The following SHROOM3 variants were observed in gnomAD, a reference collection of about 807,000 sequenced individuals.
The protein encoded by SHROOM3 is shroom family member 3.
Under a neutral mutation model 138.6 loss-of-function variants are expected in SHROOM3, and 47 were observed. The ratio of observed to expected loss-of-function variants is 0.34; its 90% CI spans 0.27 to 0.43. The LOEUF is 0.43. Among genes scored for constraint, SHROOM3 ranks in the 20% least tolerant of loss-of-function variants. The pLI, the probability that SHROOM3 is intolerant of heterozygous loss-of-function variation, is 1.00. For synonymous variants in SHROOM3, 1,062 were observed against 1,063.3 expected (o/e 1.00, Z 0.02); for missense variants, 2,491 against 2,596.5 (o/e 0.96, Z 0.88).
chr4:76,774,575 C>T (rs1722480444), intron 10 of SHROOM3, among the ~76,000 whole-genome samples: 1 of 151,898 alleles, frequency 6.6e-6, no homozygotes, highest in Non-Finnish European at 1.5e-5. Context: ...ATTCTTTATA[C>T]ATTACTGATG....
intron 2 of SHROOM3, chr4:76,637,408 A>G (rs902691154): frequency 5.3e-5 from 8 of 152,216 alleles, no homozygotes; most frequent in Non-Finnish European, 1.2e-4. Context: ...TCAAGAACGG[A>G]ACTGTGGTAG....
intron 1 of SHROOM3, among the ~76,000 whole-genome samples, chr4:76,530,293 C>CT (rs1732804435): frequency 6.6e-6 from 1 of 152,122 alleles, no homozygotes; most frequent in Admixed American, 6.5e-5. Flanking sequence ...CAGCTGTATA[C>CT]TTTTAGGGCA....
chr4:76,473,775 A>G (rs964926904), intron 1 of SHROOM3, among the ~76,000 whole-genome samples: 7 of 152,216 alleles, frequency 4.6e-5, no homozygotes, highest in African/African-American at 1.4e-4. Context: ...GTATCACTTT[A>G]TACCCTCTAG....
At chr4:76,731,062 C>T (rs1720866012) in intron 4 of SHROOM3, 127 bp downstream of exon 4, 4 of 1,315,028 alleles carry the variant, frequency 3.0e-6, no homozygotes, top group Middle Eastern at 1.9e-4. Flanking sequence ...AAATCTCTAT[C>T]CACTGCTTTT....
intron 2 of SHROOM3, among the ~76,000 whole-genome samples, chr4:76,580,495 C>T (rs1734028323): frequency 7.2e-6 from 1 of 138,268 alleles, no homozygotes; most frequent in South Asian, 2.3e-4. Context: ...TCTTGTTGTC[C>T]AGGCTGGAGT....
chr4:76,716,240 G>A, intron 3 of SHROOM3: 1 of 500,686 alleles, frequency 2.0e-6, no homozygotes, highest in Non-Finnish European at 4.0e-6. Context: ...GCAAGTTCAA[G>A]GCGATTCAGG....
chr4:76,658,027 T>C (rs1265804506), intron 2 of SHROOM3, among the ~76,000 whole-genome samples: 1 of 152,232 alleles, frequency 6.6e-6, no homozygotes, highest in Non-Finnish European at 1.5e-5. Flanking sequence ...CCTCTGGACT[T>C]TTCCACATTG....
chr4:76,749,133 C>A, intron 6 of SHROOM3, 43 bp downstream of exon 6: 1 of 1,537,596 alleles, frequency 6.5e-7, no homozygotes, highest in Non-Finnish European at 9.0e-7. Flanking sequence ...ATGAATGCTG[C>A]TGGTGTTAAA....
In SHROOM3 at chr4:76,741,897, T is replaced by C; in HGVS notation, c.3724T>C (p.Ser1242Pro). 1 of 1,612,282 alleles carries C rather than the reference T, an allele frequency of 6.2e-7. No individual in the cohort carries two copies. Among genetic ancestry groups the C allele is most frequent in the African/African-American group, 1.3e-5 (1 of 75,016 alleles). Residue 1242 changes from serine to proline, a missense_variant, in exon 5 of 11, where the codon TCA (serine) becomes CCA (proline). Ser to Pro is a moderately conservative substitution (Grantham distance 74). Transcript: ENST00000296043. The surrounding 1 kb of genome is among the most constrained non-coding windows in gnomAD (Gnocchi z 6.2). Reference sequence around the variant, plus strand: ...GGGCCCTGTCCATGTGAGGTCCAGGTCATCTCCCGCCACCGCAGACAAGCG... The same window carrying C: ...GGGCCCTGTCCATGTGAGGTCCAGGCCATCTCCCGCCACCGCAGACAAGCG... ...LAGPVHVRSR[S>P]SPATADKRQD...
intron 1 of SHROOM3, among the ~76,000 whole-genome samples, chr4:76,519,102 G>A (rs1732508620): frequency 6.6e-6 from 1 of 152,172 alleles, no homozygotes; most frequent in African/African-American, 2.4e-5. Flanking sequence ...CCCAGCAAAG[G>A]CTTCTGGTTG....
At chr4:76,742,440 T>A (rs1285989291) in intron 5 of SHROOM3, among the ~76,000 whole-genome samples, 1 of 152,130 alleles carries the variant, frequency 6.6e-6, no homozygotes, top group South Asian at 2.1e-4. Context: ...GTAATCTACA[T>A]TTATTATTTC....
chr4:76,466,940 A>C (rs1731260837), intron 1 of SHROOM3, among the ~76,000 whole-genome samples: 1 of 152,010 alleles, frequency 6.6e-6, no homozygotes, highest in Non-Finnish European at 1.5e-5. Context: ...CTGCTGGGGG[A>C]GTAAGTGAAG....
intron 1 of SHROOM3, 65 bp downstream of exon 1, chr4:76,436,285 A>C: frequency 6.4e-7 from 1 of 1,573,566 alleles, no homozygotes; most frequent in Admixed American, 1.7e-5. Context: ...AGATTTGTCA[A>C]AAATGCAAAA....
At chr4:76,717,240 T>C (rs1720401329) in intron 3 of SHROOM3, among the ~76,000 whole-genome samples, 1 of 152,220 alleles carries the variant, frequency 6.6e-6, no homozygotes, top group Non-Finnish European at 1.5e-5. Flanking sequence ...GGTGAGGTGT[T>C]TTTCCCATCT....
rs1351031761 is a variant in SHROOM3, at chr4:76,756,481, G to C, written c.4742G>C (p.Arg1581Thr). The part of the protein sequence containing the change: ...FNKLSKVTIA[R>T]ERHMPGAAHV... Reference sequence around the variant, plus strand: ...AAACTTTCTAAAGTGACAATTGCAAGGGAAAGGCACATGCCTGGTGCAGCC... The same window carrying C: ...AAACTTTCTAAAGTGACAATTGCAACGGAAAGGCACATGCCTGGTGCAGCC... The change falls in exon 8 of 11, where the codon AGG (arginine) becomes ACG (threonine). Residue 1581 changes from arginine (R) to threonine (T), a missense_variant. Physicochemically the swap from Arg to Thr is moderately conservative, Grantham distance 71. Coordinates refer to ENST00000296043, the MANE Select transcript of SHROOM3 (RefSeq NM_020859.4). 6.2e-7 allele frequency: 1 copy of C among 1,613,180 alleles called. No individual in the cohort carries two copies. The highest frequency in any genetic ancestry group is 1.3e-5 in the African/African-American group (1 of 74,628).
At chr4:76,688,961 C>CTTTTT (rs71212442) in intron 2 of SHROOM3, 5 of 831,866 alleles carry the variant, frequency 6.0e-6, no homozygotes, top group Non-Finnish European at 5.7e-6. Context: ...GTAATGCGAG[C>CTTTTT]TTTTTTTTTT....
intron 1 of SHROOM3, among the ~76,000 whole-genome samples, chr4:76,482,002 G>A (rs1176961120): frequency 6.6e-6 from 1 of 151,970 alleles, no homozygotes; most frequent in Non-Finnish European, 1.5e-5. Flanking sequence ...ATGGAACATA[G>A]CTCAAAATAT....
chr4:76,474,762 A>G (rs1207120467), intron 1 of SHROOM3, among the ~76,000 whole-genome samples: 3 of 151,892 alleles, frequency 2.0e-5, no homozygotes, highest in African/African-American at 7.3e-5. Flanking sequence ...AAAAATACAA[A>G]AAACAACAAC....
intron 8 of SHROOM3, among the ~76,000 whole-genome samples, chr4:76,757,263 C>T (rs918025734): frequency 6.7e-4 from 102 of 152,282 alleles, no homozygotes; most frequent in African/African-American, 2.4e-3. Flanking sequence ...CCAATTTTAC[C>T]TCCATTTACA....
Sources: allele counts gnomAD v4.1 joint callset (sites outside exome capture counted in the v4.1 genomes callset), GRCh38; gene constraint gnomAD v4.1.1; non-coding constraint Gnocchi (gnomAD v3.1); transcripts MANE v1.5; gene names NCBI Gene and HGNC (gene_info 2026-07-23, HGNC 2026-07-21).